SYNPO2: variants seen among roughly 807,000 people sequenced by gnomAD.
SYNPO2 encodes synaptopodin 2.
In SYNPO2, 56 loss-of-function variants were observed where a neutral mutation model predicts 85.0. The observed-to-expected ratio is 0.66, with a 90% CI of 0.53 to 0.82. The LOEUF (loss-of-function observed/expected upper bound fraction) is 0.82, where lower values mean the gene tolerates loss of function less well. Among genes scored for constraint, SYNPO2 ranks in the 40% least tolerant of loss-of-function variants. SYNPO2 has a pLI of 0.00. For synonymous variants in SYNPO2, 602 were observed against 591.1 expected (o/e 1.02, Z -0.27); for missense variants, 1,575 against 1,534.2 (o/e 1.03, Z -0.44).
At chr4:118,874,526 T>C (rs2110574460) in intron 1 of SYNPO2, among the ~76,000 whole-genome samples, 1 of 152,312 alleles carries the variant, frequency 6.6e-6, no homozygotes, top group East Asian at 1.9e-4. Context: ...ACTGTGCATC[T>C]GATATATCTG....
intron 4 of SYNPO2, among the ~76,000 whole-genome samples, chr4:119,044,727 AG>A (rs2149198284): frequency 6.6e-6 from 1 of 152,344 alleles, no homozygotes; most frequent in Non-Finnish European, 1.5e-5. Flanking sequence ...CATTTCTCAA[AG>A]AACAGTAGGT....
chr4:118,890,729 CTCTCTG>C (rs1178358852), intron 1 of SYNPO2, among the ~76,000 whole-genome samples: 2 of 137,180 alleles, frequency 1.5e-5, no homozygotes, highest in East Asian at 2.5e-4. Context: ...CTCTCTCTCT[CTCTCTG>C]TGTGTGTGTG....
chr4:118,998,138 T>C (rs1303393663), intron 1 of SYNPO2, among the ~76,000 whole-genome samples: 3 of 152,196 alleles, frequency 2.0e-5, no homozygotes, highest in Non-Finnish European at 4.4e-5. Context: ...GTGTCAGTTA[T>C]TTGAGGAAAA....
intron 1 of SYNPO2, among the ~76,000 whole-genome samples, chr4:118,855,614 T>C (rs1731492234): frequency 6.6e-6 from 1 of 151,954 alleles, no homozygotes; most frequent in East Asian, 1.9e-4. Context: ...CCACTTTAAA[T>C]ATTGCCAGTA....
intron 1 of SYNPO2, among the ~76,000 whole-genome samples, chr4:118,858,968 G>A (rs973520809): frequency 6.6e-6 from 1 of 152,282 alleles, no homozygotes; most frequent in Non-Finnish European, 1.5e-5. Context: ...AGTAGTGGAG[G>A]CGTTATCTAG....
At chr4:118,959,143 A>G (rs1233006979) in intron 1 of SYNPO2, among the ~76,000 whole-genome samples, 1 of 152,202 alleles carries the variant, frequency 6.6e-6, no homozygotes, top group Non-Finnish European at 1.5e-5. Flanking sequence ...TATTTTCCCC[A>G]AGAGTGAAGT....
Position 119,030,751 on chromosome 4 carries a change from C to A in SYNPO2, c.1976C>A (p.Ala659Asp), listed in dbSNP as rs754339199. Reference sequence around the variant, plus strand: ...CAGCCTGCCCCGTGGTCCCAGCCAGCCTTTTACGATTCGTCTGAGCGAATA... The same window carrying A: ...CAGCCTGCCCCGTGGTCCCAGCCAGACTTTTACGATTCGTCTGAGCGAATA... ...WPQPAPWSQP[A>D]FYDSSERIAS... is the part of the protein sequence containing the mutation. The change falls in exon 4 of 5, where the codon GCC becomes GAC. Residue 659 changes from alanine (A) to aspartate (D), a missense_variant. Physicochemically the swap from Ala to Asp is moderately radical, Grantham distance 126. Coordinates refer to ENST00000307142, the MANE Select transcript of SYNPO2 (RefSeq NM_133477.3). 6 of 1,614,068 alleles carry A rather than the reference C, an allele frequency of 3.7e-6. No homozygotes were observed. The highest frequency in any genetic ancestry group is 1.3e-5 in the African/African-American group (1 of 74,928).
At chr4:119,003,089 T>C (rs1736883756) in intron 1 of SYNPO2, among the ~76,000 whole-genome samples, 1 of 152,174 alleles carries the variant, frequency 6.6e-6, no homozygotes, top group Non-Finnish European at 1.5e-5. Flanking sequence ...GCTGTATTAG[T>C]CCACTGCTGT....
At chr4:119,052,529 TC>T (rs2149200920) in intron 4 of SYNPO2, among the ~76,000 whole-genome samples, 1 of 152,338 alleles carries the variant, frequency 6.6e-6, no homozygotes, top group South Asian at 2.1e-4. Flanking sequence ...GTAAAAACTT[TC>T]TTCTCCTCTT....
intron 1 of SYNPO2, among the ~76,000 whole-genome samples, chr4:118,901,822 C>T (rs1198810471): frequency 6.6e-6 from 1 of 152,246 alleles, no homozygotes; most frequent in Non-Finnish European, 1.5e-5. Flanking sequence ...GTCTGGCCCA[C>T]AGACCAGACT....
In SYNPO2 at chr4:119,023,595, G is replaced by C; in HGVS notation, c.257+14G>C. ...GCTCATCAAAAGGTACAACAGATTT[G>C]CTGGAATATGTATTTTCTCTTGAAG... is the stretch of plus-strand genomic sequence containing the variant. On this transcript the variant is annotated intron_variant, in intron 2 of 4. Coordinates refer to ENST00000307142, the MANE Select transcript of SYNPO2 (RefSeq NM_133477.3). 1 of 1,605,214 alleles carries C rather than the reference G, an allele frequency of 6.2e-7. No individual in the cohort carries two copies. The highest frequency in any genetic ancestry group is 8.5e-7 in the Non-Finnish European group (1 of 1,175,394).
chr4:118,894,927 T>G lies in SYNPO2; in HGVS notation c.105+5786T>G, dbSNP rs192658637. ...TTTCATTCATTTTGCCTAGAAATAT[T>G]AGTTTCAACATGATCATCAATGGAA... On this transcript the variant is annotated intron_variant, in intron 1 of 4. Coordinates refer to ENST00000307142, the MANE Select transcript of SYNPO2 (RefSeq NM_133477.3). Among the ~76,000 whole-genome samples, 18 of 152,246 alleles carry G rather than the reference T, an allele frequency of 1.2e-4. No individual in the cohort carries two copies. The East Asian group carries it at 3.5e-3, about 29-fold the overall frequency.
intron 1 of SYNPO2, among the ~76,000 whole-genome samples, chr4:118,924,641 T>C (rs1418620764): frequency 6.6e-6 from 1 of 152,182 alleles, no homozygotes; most frequent in African/African-American, 2.4e-5. Context: ...TCCTGAGATA[T>C]ATGGCACACT....
intron 1 of SYNPO2, among the ~76,000 whole-genome samples, chr4:118,879,515 T>G (rs574952732): frequency 6.6e-5 from 10 of 152,244 alleles, no homozygotes; most frequent in African/African-American, 1.4e-4. Flanking sequence ...GAGGACACAA[T>G]GAGAAGACAG....
chr4:118,955,869 G>C (rs1384609026), intron 1 of SYNPO2, among the ~76,000 whole-genome samples: 1 of 152,052 alleles, frequency 6.6e-6, no homozygotes, highest in Non-Finnish European at 1.5e-5. Context: ...GAGTGCAAGA[G>C]AAATAAAGGA....
chr4:119,034,786 G>T (rs1256064765), intron 4 of SYNPO2: 9 of 985,366 alleles, frequency 9.1e-6, no homozygotes, highest in Non-Finnish European at 1.1e-5. Context: ...CACCTTTCAG[G>T]TTGGGGCCAA....
At chr4:118,855,132 A>T (rs905552245) in intron 1 of SYNPO2, among the ~76,000 whole-genome samples, 2 of 152,120 alleles carry the variant, frequency 1.3e-5, no homozygotes, top group African/African-American at 2.4e-5. Flanking sequence ...AGCAAAAAAA[A>T]AAAAAGATAA....
At chr4:118,990,795 G>T (rs1736389077) in intron 1 of SYNPO2, among the ~76,000 whole-genome samples, 2 of 152,140 alleles carry the variant, frequency 1.3e-5, no homozygotes, top group African/African-American at 2.4e-5. Flanking sequence ...TCTTAGTAGA[G>T]ATGGGGTTTT....
chr4:118,946,590 C>G (rs1300799828), intron 1 of SYNPO2, among the ~76,000 whole-genome samples: 1 of 152,208 alleles, frequency 6.6e-6, no homozygotes, highest in African/African-American at 2.4e-5. Context: ...CGCTCGTTCT[C>G]TGCTGTATTC....
Sources: allele counts gnomAD v4.1 joint callset (sites outside exome capture counted in the v4.1 genomes callset), GRCh38; gene constraint gnomAD v4.1.1; transcripts MANE v1.5; gene names NCBI Gene and HGNC (gene_info 2026-07-23, HGNC 2026-07-21).